Variants in JPH3 observed in about 807,000 individuals in gnomAD.
JPH3 encodes junctophilin 3.
In JPH3, 11 loss-of-function variants were observed where a neutral mutation model predicts 59.6. The ratio of observed to expected loss-of-function variants is 0.18; its 90% CI spans 0.12 to 0.31. The LOEUF (loss-of-function observed/expected upper bound fraction) is 0.31. Ranked by LOEUF, JPH3 falls within the 10% of genes least tolerant of loss-of-function variation. The probability of loss-of-function intolerance (pLI) is 1.00; values close to 1 mark genes in which losing one functional copy is unlikely to be tolerated. For missense variants in JPH3, 1,202 were observed against 1,105.7 expected, an observed-to-expected ratio of 1.09 and a Z score of -1.24; for synonymous variants, 673 against 483.6, an observed-to-expected ratio of 1.39 and a Z score of -5.14.
chr16:87,618,155 C>T (rs1035563862), intron 1 of JPH3, among the ~76,000 whole-genome samples: 6 of 151,846 alleles, frequency 4.0e-5, no homozygotes, highest in East Asian at 1.9e-4. Context: ...CATAATGAGA[C>T]GCTGTCTCAA....
At chr16:87,674,879 G>C (rs183444510) in intron 2 of JPH3, among the ~76,000 whole-genome samples, 2,900 of 152,132 alleles carry the variant, frequency 0.019, 100 homozygotes, top group African/African-American at 0.065. Context: ...TCCTGCCTCA[G>C]CCTCCTGAGT....
At chr16:87,610,158 C>T (rs972621874) in intron 1 of JPH3, among the ~76,000 whole-genome samples, 7 of 152,208 alleles carry the variant, frequency 4.6e-5, no homozygotes, top group African/African-American at 1.7e-4. Flanking sequence ...AGGCAGAGCT[C>T]AGGCAGTAAT....
intron 2 of JPH3, among the ~76,000 whole-genome samples, chr16:87,673,200 C>T (rs945244713): frequency 2.6e-5 from 4 of 151,030 alleles, no homozygotes; most frequent in Non-Finnish European, 5.9e-5. Context: ...TTCCTTACTG[C>T]ATAAAACACT....
intron 2 of JPH3, among the ~76,000 whole-genome samples, chr16:87,665,369 G>A (rs1177673951): frequency 1.3e-5 from 2 of 152,214 alleles, no homozygotes; most frequent in Non-Finnish European, 2.9e-5. Flanking sequence ...GGTCACCCTG[G>A]AGAACCGACA....
intron 2 of JPH3, among the ~76,000 whole-genome samples, chr16:87,679,638 C>G (rs927138634): frequency 6.6e-6 from 1 of 152,228 alleles, no homozygotes; most frequent in African/African-American, 2.4e-5. Flanking sequence ...AGCTGGTGTT[C>G]GCTGTCCGGG....
intron 2 of JPH3, among the ~76,000 whole-genome samples, chr16:87,651,371 A>G (rs1440442733): frequency 6.6e-6 from 1 of 152,236 alleles, no homozygotes; most frequent in African/African-American, 2.4e-5. Context: ...TTGAGGTCTT[A>G]TTATTTAAGA....
At chr16:87,637,853 C>T (rs1002526766) in intron 1 of JPH3, among the ~76,000 whole-genome samples, 2 of 152,224 alleles carry the variant, frequency 1.3e-5, no homozygotes, top group African/African-American at 4.8e-5. Context: ...GTGACCAGCA[C>T]CCCGTGCGGG....
rs143140763 is a variant in JPH3 at position 87,689,743 on chromosome 16, C to T, written c.1383C>T (p.Tyr461=). The change falls in exon 4 of 5, where the codon TAC becomes TAT. Residue 461 remains tyrosine (Y), a synonymous_variant. Coordinates refer to ENST00000284262, the MANE Select transcript of JPH3 (RefSeq NM_020655.4). The part of the protein sequence containing the change: ...TPLQQESPEL[Y]RKGTTPSDLT... ...TGCAGCAGGAGAGCCCCGAGCTGTA[C>T]CGCAAGGGCACCACTCCCTCCGACC... 223 of 1,612,440 alleles carry T rather than the reference C, an allele frequency of 1.4e-4. No homozygotes were observed. In the African/African-American group the frequency reaches 2.8e-3, roughly 20 times the overall value.
At chr16:87,635,014 T>C (rs7195547) in intron 1 of JPH3, among the ~76,000 whole-genome samples, 45,664 of 151,994 alleles carry the variant, frequency 0.3, 7,061 homozygotes, top group Non-Finnish European at 0.34. Context: ...CATGGAGCCA[T>C]GGAAATGTTT....
intron 2 of JPH3, among the ~76,000 whole-genome samples, chr16:87,675,707 A>G (rs1318040701): frequency 6.6e-6 from 1 of 152,220 alleles, no homozygotes; most frequent in African/African-American, 2.4e-5. Flanking sequence ...GGGACTCCAC[A>G]GTGAAGGTTT....
chr16:87,695,837 G>A (rs1274372338), intron 4 of JPH3: 10 of 456,050 alleles, frequency 2.2e-5, no homozygotes, highest in Non-Finnish European at 4.0e-5. Context: ...ACCTGGCCCC[G>A]GCAAGCACAG....
Position 87,612,845 on chromosome 16 carries a change from C to T in JPH3, c.382+9317C>T, listed in dbSNP as rs957327928. On this transcript the variant is annotated intron_variant, in intron 1 of 4. Transcript: ENST00000284262. ...CATCCTGGCTAACACAGTGAAACCC[C>T]GTCTCTACTAAAAATACAAAAAAAA... is the stretch of plus-strand genomic sequence containing the variant. 5.3e-5 allele frequency among the ~76,000 whole-genome samples: 8 copies of T among 151,896 alleles called. No individual in the cohort carries two copies. The East Asian group carries it at 1.2e-3, about 22-fold the overall frequency.
chr16:87,653,647 A>T (rs577573218), intron 2 of JPH3: 107 of 152,368 alleles, frequency 7.0e-4, no homozygotes, highest in African/African-American at 2.6e-3. Flanking sequence ...GGTTATGTAT[A>T]TGAAGGAGGT....
chr16:87,639,405 T>C (rs2031863879), intron 1 of JPH3, among the ~76,000 whole-genome samples: 1 of 152,176 alleles, frequency 6.6e-6, no homozygotes, highest in Non-Finnish European at 1.5e-5. Flanking sequence ...GTGGGCAAAC[T>C]GGGCACCTTC....
Position 87,603,042 on chromosome 16 carries a change from C to T in JPH3, c.-105C>T. On this transcript the variant is annotated 5_prime_UTR_variant, in exon 1 of 5. Transcript: ENST00000284262. ...CTCCGGGGCCGCGTCCTCCTCTCCT[C>T]CGGAAAACGCTCGCGACCCAGGGCC... The T allele has an allele frequency of 6.7e-7, 1 of 1,488,740 alleles. No homozygotes were observed. The highest frequency in any genetic ancestry group is 9.1e-7 in the Non-Finnish European group (1 of 1,097,132). The allele number at this position is 1,488,740 out of a possible 1,614,324, so 92.2% of individuals were successfully genotyped here.
chr16:87,629,876 C>G (rs943087388), intron 1 of JPH3, among the ~76,000 whole-genome samples: 1 of 151,598 alleles, frequency 6.6e-6, no homozygotes, highest in Non-Finnish European at 1.5e-5. Context: ...AGATGTACCA[C>G]AAGATGCTAA....
chr16:87,644,233 C>G, intron 1 of JPH3, 25 bp from the exon 2 acceptor site: 2 of 1,582,010 alleles, frequency 1.3e-6, no homozygotes, highest in East Asian at 2.2e-5. Flanking sequence ...GCTGGGCACT[C>G]ACCCCTCTCT....
At chr16:87,668,043 T>C (rs1403501485) in intron 2 of JPH3, among the ~76,000 whole-genome samples, 1 of 152,230 alleles carries the variant, frequency 6.6e-6, no homozygotes, top group Non-Finnish European at 1.5e-5. Context: ...TCGATCTGGC[T>C]GGTTTGCCCT....
At chr16:87,626,126 C>T (rs1156953970) in intron 1 of JPH3, among the ~76,000 whole-genome samples, 1 of 152,130 alleles carries the variant, frequency 6.6e-6, no homozygotes, top group East Asian at 1.9e-4. Flanking sequence ...CTTGGGGGTG[C>T]CAAGAGCAAC....
Sources: gnomAD v4.1 joint callset for allele counts (sites outside exome capture counted in the v4.1 genomes callset) on GRCh38, gnomAD v4.1.1 for gene constraint, MANE v1.5 for transcripts, NCBI Gene and HGNC (gene_info 2026-07-23, HGNC 2026-07-21) for gene names.